Variants in RIPOR3 observed in about 807,000 individuals in gnomAD.
RIPOR3 encodes RIPOR family member 3.
A neutral mutation model predicts 114.3 loss-of-function variants in RIPOR3; 95 were observed. The ratio of observed to expected loss-of-function variants is 0.83; its 90% CI spans 0.70 to 0.99. The LOEUF (loss-of-function observed/expected upper bound fraction) is 0.99, where lower values mean the gene tolerates loss of function less well. Ranked by LOEUF, RIPOR3 falls within the 50% of genes least tolerant of loss-of-function variation. RIPOR3 has a pLI of 0.00. For synonymous variants in RIPOR3, 575 were observed against 543.8 expected, an observed-to-expected ratio of 1.06 and a Z score of -0.80; for missense variants, 1,252 against 1,266.9, an observed-to-expected ratio of 0.99 and a Z score of 0.18.
At chr20:50,661,224 C>T (rs371046396) in intron 1 of RIPOR3, among the ~76,000 whole-genome samples, 9 of 151,348 alleles carry the variant, frequency 5.9e-5, no homozygotes, top group East Asian at 5.9e-4. Context: ...GGCAACAGAA[C>T]GAGACTGTCT....
intron 13 of RIPOR3, among the ~76,000 whole-genome samples, chr20:50,599,722 AG>A (rs1402036684): frequency 6.6e-6 from 1 of 152,126 alleles, no homozygotes; most frequent in East Asian, 1.9e-4. Flanking sequence ...GTGTGCTTTG[AG>A]CAGCTCAGAT....
intron 1 of RIPOR3, among the ~76,000 whole-genome samples, chr20:50,667,451 GC>G (rs1568947448): frequency 2.0e-5 from 3 of 151,868 alleles, no homozygotes; most frequent in African/African-American, 7.3e-5. Flanking sequence ...CCGCCACAAC[GC>G]CCAGCTAATT....
At chr20:50,606,161 G>A (rs2083706734) in intron 11 of RIPOR3, among the ~76,000 whole-genome samples, 1 of 152,210 alleles carries the variant, frequency 6.6e-6, no homozygotes, top group African/African-American at 2.4e-5. Flanking sequence ...AGCCGAGATT[G>A]CGCCATTGCA....
chr20:50,668,465 G>A (rs780362020), intron 1 of RIPOR3, among the ~76,000 whole-genome samples: 2 of 152,056 alleles, frequency 1.3e-5, no homozygotes, highest in African/African-American at 4.8e-5. Context: ...CAACCTTTGC[G>A]CCTCCTCCTC....
intron 18 of RIPOR3, 108 bp downstream of exon 18, chr20:50,592,927 A>T: frequency 1.5e-6 from 2 of 1,375,596 alleles, no homozygotes; most frequent in Admixed American, 4.0e-5. Flanking sequence ...CCAAAAGAAC[A>T]GTTGGCGGGG....
Position 50,597,591 on chromosome 20 carries a change from G to C in RIPOR3, c.1779C>G (p.Ser593=), listed in dbSNP as rs1204518931. 1 of 1,606,826 alleles carries C rather than the reference G, an allele frequency of 6.2e-7. No individual in the cohort carries two copies. Among genetic ancestry groups the C allele is most frequent in the Admixed American group, 1.7e-5 (1 of 59,094 alleles). ...ALDELSLFGG[S]QGLRKDRPLP... is the part of the protein sequence containing the mutation. ...GGAGGTGCACTCACCGGAGACCCTG[G>C]GAGCCCCCAAACAGGGACAGCTCAT... Residue 593 remains serine, a synonymous_variant, in exon 14 of 22, where the codon TCC becomes TCG. Transcript: ENST00000327979.
At chr20:50,608,119 C>T (rs905621822) in intron 11 of RIPOR3, among the ~76,000 whole-genome samples, 3 of 152,134 alleles carry the variant, frequency 2.0e-5, no homozygotes, top group Non-Finnish European at 4.4e-5. Flanking sequence ...CGGGAGGCCC[C>T]GGAAAGTGTC....
chr20:50,604,913 G>T (rs2083649765), intron 11 of RIPOR3, 139 bp from the exon 12 acceptor site: 1 of 1,095,672 alleles, frequency 9.1e-7, no homozygotes, highest in African/African-American at 1.6e-5. Flanking sequence ...TGTGTGAGGA[G>T]CTCTGCTCTA....
In RIPOR3 at chr20:50,589,755, G is replaced by A. The variant is rs369796961; in HGVS notation, c.2592C>T (p.Tyr864=). 2.9e-5 allele frequency: 46 copies of A among 1,613,430 alleles called. No homozygotes were observed. The African/African-American group carries it at 6.0e-4, about 21-fold the overall frequency. Reference sequence around the variant, plus strand: ...CGTCGTTCTCTGCCAGGGCGTTGGTGTAGAACAGCAAAGCCTGGGGAGAGT... The same window carrying A: ...CGTCGTTCTCTGCCAGGGCGTTGGTATAGAACAGCAAAGCCTGGGGAGAGT... ...RSFREKALLF[Y]TNALAENDAR... Residue 864 remains tyrosine, a synonymous_variant, in exon 20 of 22, where the codon TAC becomes TAT. Transcript: ENST00000327979.
intron 1 of RIPOR3, chr20:50,645,801 C>A (rs557512889): frequency 1.3e-5 from 2 of 152,332 alleles, no homozygotes; most frequent in African/African-American, 4.8e-5. Context: ...GCCGGTGGAG[C>A]CGGGTCTGTT....
intron 1 of RIPOR3, among the ~76,000 whole-genome samples, chr20:50,661,106 C>G (rs532962061): frequency 1.4e-5 from 2 of 147,310 alleles, no homozygotes; most frequent in African/African-American, 4.9e-5. Context: ...GGCGTGGTGG[C>G]ACATGCCTGT....
intron 11 of RIPOR3, among the ~76,000 whole-genome samples, chr20:50,606,923 T>C (rs1202165010): frequency 6.6e-6 from 1 of 152,012 alleles, no homozygotes; most frequent in Non-Finnish European, 1.5e-5. Context: ...AGAGATGGGG[T>C]TTCGCCTTGT....
At chr20:50,682,400 G>A (rs118044929) in intron 1 of RIPOR3, among the ~76,000 whole-genome samples, 2,304 of 152,280 alleles carry the variant, frequency 0.015, 46 homozygotes, top group Admixed American at 0.047. Context: ...TTGAGGCCAG[G>A]AGTTTGAGGC....
In RIPOR3 at chr20:50,691,221, T is replaced by C. The variant is rs1220174918; in HGVS notation, c.-93A>G. 1.6e-6 allele frequency: 2 copies of C among 1,286,544 alleles called. No individual in the cohort carries two copies. Among genetic ancestry groups the C allele is most frequent in the African/African-American group, 3.0e-5 (2 of 65,826 alleles). The allele number at this position is 1,286,544 out of a possible 1,614,324, so 79.7% of individuals were successfully genotyped here. ...CCGCCAGCAAGCGTCTGCTCCCATC[T>C]GGCCCGGGACTCCCGGACTCGAGCT... On this transcript the variant is annotated 5_prime_UTR_variant, in exon 1 of 22. Coordinates refer to ENST00000327979, the MANE Select transcript of RIPOR3 (RefSeq NM_001290268.2).
chr20:50,597,808 C>G (rs563213964), intron 13 of RIPOR3, 98 bp from the exon 14 acceptor site: 3 of 1,484,646 alleles, frequency 2.0e-6, no homozygotes, highest in South Asian at 1.3e-5. Flanking sequence ...GGCAATGTCC[C>G]GGTCCCAAGC....
chr20:50,663,364 TCA>T (rs953219355), intron 1 of RIPOR3, among the ~76,000 whole-genome samples: 8 of 152,156 alleles, frequency 5.3e-5, no homozygotes, highest in African/African-American at 1.9e-4. Flanking sequence ...CTGTTCGGCT[TCA>T]CAGTGTCTGC....
chr20:50,598,028 G>T (rs1385431598), intron 13 of RIPOR3, among the ~76,000 whole-genome samples: 1 of 152,238 alleles, frequency 6.6e-6, no homozygotes, highest in South Asian at 2.1e-4. Flanking sequence ...GCCCCAGCGG[G>T]GACCAGGGAG....
At chr20:50,615,439 C>A (rs1023484182) in intron 4 of RIPOR3, among the ~76,000 whole-genome samples, 1 of 148,128 alleles carries the variant, frequency 6.8e-6, no homozygotes, top group African/African-American at 2.5e-5. Context: ...GTAAAAGGAT[C>A]GTTTGAGCCC....
In RIPOR3 at chr20:50,626,632, C is replaced by T. The variant is rs189974458; in HGVS notation, c.122+4106G>A. ...GATGCAGGACATTCAGAGGCCCCCA[C>T]AGGCCTGGCAGGAGGAGAGCTGCAG... On this transcript the variant is annotated intron_variant, in intron 2 of 21. Coordinates refer to ENST00000327979, the MANE Select transcript of RIPOR3 (RefSeq NM_001290268.2). Among the ~76,000 whole-genome samples the T allele has an allele frequency of 1.9e-3, 289 of 152,362 alleles. 1 individual carries two copies. The highest frequency in any genetic ancestry group is 6.7e-3 in the African/African-American group (278 of 41,594).
Sources: allele counts gnomAD v4.1 joint callset (sites outside exome capture counted in the v4.1 genomes callset), GRCh38; gene constraint gnomAD v4.1.1; transcripts MANE v1.5; gene names NCBI Gene and HGNC (gene_info 2026-07-23, HGNC 2026-07-21).